The following CFTR variants were observed in gnomAD, a reference collection of about 807,000 sequenced individuals.
The protein encoded by CFTR is CF transmembrane conductance regulator.
In CFTR, 181 loss-of-function variants were observed where a neutral mutation model predicts 171.6. The observed-to-expected ratio is 1.05, with a 90% confidence interval of 0.93 to 1.19. The LOEUF (loss-of-function observed/expected upper bound fraction) is 1.19, where lower values mean the gene tolerates loss of function less well. Among genes scored for constraint, CFTR ranks in the 50% most tolerant of loss-of-function variants. The pLI is 0.00. For synonymous variants in CFTR, 583 were observed against 608.0 expected (o/e 0.96, Z 0.60); for missense variants, 1,968 against 1,734.7 (o/e 1.13, Z -2.39).
At chr7:117,616,922 C>T (rs1334191117) in intron 21 of CFTR, among the ~76,000 whole-genome samples, 2 of 152,090 alleles carry the variant, frequency 1.3e-5, no homozygotes, top group Non-Finnish European at 2.9e-5. Context: ...TCACCCATGC[C>T]ATTGCTAAAC....
chr7:117,610,771 T>A, intron 19 of CFTR, 102 bp downstream of exon 19: 1 of 1,215,732 alleles, frequency 8.2e-7, no homozygotes, highest in Non-Finnish European at 1.2e-6. Flanking sequence ...GCTTTTAAAC[T>A]TTTACATCAT....
In CFTR at chr7:117,592,239, G is replaced by T; in HGVS notation, c.2072G>T (p.Gly691Val). 6.2e-7 allele frequency: 1 copy of T among 1,613,790 alleles called. No individual in the cohort carries two copies. The highest frequency in any genetic ancestry group is 8.5e-7 in the Non-Finnish European group (1 of 1,179,964). The change falls in exon 14 of 27, where the codon GGA becomes GTA. Residue 691 changes from glycine (G) to valine (V), a missense_variant. By Grantham distance (109) the Gly-to-Val change is moderately radical (BLOSUM62 -3). Transcript: ENST00000003084. The stretch of plus-strand genomic sequence containing the variant: ...AAAAAACAATCTTTTAAACAGACTG[G>T]AGAGTTTGGGGAAAAAAGGAAGAAT... ...ETKKQSFKQT[G>V]EFGEKRKNSI...
intron 11 of CFTR, among the ~76,000 whole-genome samples, chr7:117,576,935 A>G (rs899603112): frequency 6.6e-6 from 1 of 152,168 alleles, no homozygotes; most frequent in Non-Finnish European, 1.5e-5. Context: ...CTCCCAAAGC[A>G]TAGAGCAAAT....
At chr7:117,529,911 C>T (rs373989521) in intron 3 of CFTR, among the ~76,000 whole-genome samples, 45 of 152,128 alleles carry the variant, frequency 3.0e-4, no homozygotes, top group African/African-American at 1.1e-3. Context: ...CCCTCTGATC[C>T]CTATTTTACT....
At chr7:117,636,871 G>T (rs942047589) in intron 22 of CFTR, among the ~76,000 whole-genome samples, 1 of 149,962 alleles carries the variant, frequency 6.7e-6, no homozygotes, top group African/African-American at 2.5e-5. Flanking sequence ...AGGCTGGAGT[G>T]CAGTGGTGTG....
At chr7:117,541,913 AT>A (rs1799058526) in intron 8 of CFTR, 102 bp from the exon 9 acceptor site, 1 of 482,632 alleles carries the variant, frequency 2.1e-6, no homozygotes, top group Non-Finnish European at 3.8e-6. Context: ...CATTATTAAA[AT>A]TCATATATAA....
chr7:117,628,977 C>G (rs933169971), intron 22 of CFTR, among the ~76,000 whole-genome samples: 1 of 152,074 alleles, frequency 6.6e-6, no homozygotes, highest in African/African-American at 2.4e-5. Flanking sequence ...TTTCTCTCCT[C>G]CTGACATCCT....
intron 2 of CFTR, among the ~76,000 whole-genome samples, chr7:117,506,789 CG>C (rs1473020757): frequency 6.6e-6 from 1 of 152,126 alleles, no homozygotes; most frequent in African/African-American, 2.4e-5. Context: ...CAAACCCATA[CG>C]TTCTATTATT....
intron 11 of CFTR, among the ~76,000 whole-genome samples, chr7:117,585,432 C>CTA (rs1791915628): frequency 6.6e-6 from 1 of 150,594 alleles, no homozygotes; most frequent in Non-Finnish European, 1.5e-5. Context: ...AAATTTTAAC[C>CTA]AATTTAATTA....
intron 3 of CFTR, among the ~76,000 whole-genome samples, chr7:117,522,973 C>T (rs1798707337): frequency 6.6e-6 from 1 of 152,064 alleles, no homozygotes; most frequent in Admixed American, 6.5e-5. Context: ...GGTAACAGCT[C>T]CATGTGGTGG....
rs147387416 is a variant in CFTR at position 117,619,843 on chromosome 7, A to G, written c.3468+5130A>G. Among the ~76,000 whole-genome samples, 368 of 152,242 alleles carry G rather than the reference A, an allele frequency of 2.4e-3. 2 individuals are homozygous for G. The highest frequency in any genetic ancestry group is 7.3e-3 in the African/African-American group (302 of 41,556). ...CTTCCAAGATTGATGCAATCTGAGAAGAGTTTTCTGTCAATACAAACTCCC... is the reference window on the plus strand; with the variant it reads ...CTTCCAAGATTGATGCAATCTGAGAGGAGTTTTCTGTCAATACAAACTCCC... On this transcript the variant is annotated intron_variant, in intron 21 of 26. Transcript: ENST00000003084.
chr7:117,483,274 G>A lies in CFTR; in HGVS notation c.53+3127G>A, dbSNP rs1455757808. 2.0e-5 allele frequency among the ~76,000 whole-genome samples: 3 copies of A among 152,110 alleles called. No individual in the cohort carries two copies. In the East Asian group the frequency reaches 5.8e-4, roughly 29 times the overall value. ...ATTTTGGGTCTCTTATTATGAAATT[G>A]CCTTTCTAAATAATACATAAATTTC... On this transcript the variant is annotated intron_variant, in intron 1 of 26. Transcript: ENST00000003084.
intron 6 of CFTR, among the ~76,000 whole-genome samples, chr7:117,536,308 G>T (rs1011051500): frequency 6.6e-6 from 1 of 152,080 alleles, no homozygotes; most frequent in African/African-American, 2.4e-5. Context: ...GATACCCACC[G>T]CTCATAGGCT....
chr7:117,601,561 G>C (rs1364747776), intron 15 of CFTR, among the ~76,000 whole-genome samples: 2 of 151,884 alleles, frequency 1.3e-5, no homozygotes, highest in Non-Finnish European at 2.9e-5. Context: ...GCAAATTCAG[G>C]TATAAAATAA....
chr7:117,500,274 C>CTTTATTTT (rs1562881494), intron 1 of CFTR, among the ~76,000 whole-genome samples: 1 of 133,420 alleles, frequency 7.5e-6, no homozygotes, highest in Non-Finnish European at 1.6e-5. Flanking sequence ...AATTTTCTTC[C>CTTTATTTT]TTTCTTTTTT....
chr7:117,506,342 G>C (rs1027705338), intron 2 of CFTR, among the ~76,000 whole-genome samples: 2 of 152,102 alleles, frequency 1.3e-5, no homozygotes, highest in African/African-American at 4.8e-5. Context: ...CGTCTCCTGG[G>C]TTCAAGTGAT....
In CFTR at chr7:117,579,822, A is replaced by G. The variant is rs1334284716; in HGVS notation, c.1585-7917A>G. 2.5e-4 allele frequency among the ~76,000 whole-genome samples: 38 copies of G among 151,936 alleles called. 1 individual carries two copies. Among genetic ancestry groups the G allele is most frequent in the Admixed American group, 2.5e-3 (38 of 15,230 alleles). On this transcript the variant is annotated intron_variant, in intron 11 of 26. Transcript: ENST00000003084. ...ATGATAGATGCTAAATGAATTCAGT[A>G]TAAAAATATTAATGTAATAAATCAT... is the stretch of plus-strand genomic sequence containing the variant.
chr7:117,579,545 A>G (rs1485325259), intron 11 of CFTR, among the ~76,000 whole-genome samples: 1 of 151,772 alleles, frequency 6.6e-6, no homozygotes, highest in Non-Finnish European at 1.5e-5. Flanking sequence ...AATATCCATT[A>G]GCTATTCTTC....
chr7:117,667,165 C>T lies in CFTR; in HGVS notation c.*57C>T. The T allele has an allele frequency of 6.8e-7, 1 of 1,466,000 alleles. No individual in the cohort carries two copies. The allele number at this position is 1,466,000 out of a possible 1,614,324, so 90.8% of individuals were successfully genotyped here. Reference sequence around the variant, plus strand: ...GCTCATGGAATTGGAGCTCGTGGGACAGTCACCTCATGGAATTGGAGCTCG... The same window carrying T: ...GCTCATGGAATTGGAGCTCGTGGGATAGTCACCTCATGGAATTGGAGCTCG... On this transcript the variant is annotated 3_prime_UTR_variant, in exon 27 of 27. Coordinates refer to ENST00000003084, the MANE Select transcript of CFTR (RefSeq NM_000492.4).
Sources: allele counts gnomAD v4.1 joint callset (sites outside exome capture counted in the v4.1 genomes callset), GRCh38; gene constraint gnomAD v4.1.1; transcripts MANE v1.5; gene names NCBI Gene and HGNC (gene_info 2026-07-23, HGNC 2026-07-21).